Variants in KDR observed in about 807,000 individuals in gnomAD.
KDR encodes the protein kinase insert domain receptor, also known as vascular endothelial growth factor receptor 2.
KDR carries 43 observed loss-of-function variants against 160.9 expected under a neutral mutation model. The observed-to-expected ratio is 0.27, with a 90% CI of 0.21 to 0.34. The LOEUF (loss-of-function observed/expected upper bound fraction) is 0.34, where lower values mean the gene tolerates loss of function less well. Among genes scored for constraint, KDR ranks in the 10% least tolerant of loss-of-function variants. The pLI is 1.00. For synonymous variants in KDR, 617 were observed against 600.1 expected (o/e 1.03, Z -0.41); for missense variants, 1,469 against 1,666.4 (o/e 0.88, Z 2.06).
chr4:55,119,170 C>G (rs1342244213), intron 2 of KDR, among the ~76,000 whole-genome samples: 1 of 151,462 alleles, frequency 6.6e-6, no homozygotes, highest in African/African-American at 2.4e-5. Context: ...AATCACACCA[C>G]TGCACTTCAG....
chr4:55,120,268 C>T (rs1408264154), intron 2 of KDR, among the ~76,000 whole-genome samples: 1 of 152,166 alleles, frequency 6.6e-6, no homozygotes, highest in Non-Finnish European at 1.5e-5. Flanking sequence ...GGACCCCCAG[C>T]ACTCTTCCAG....
At chr4:55,107,997 G>C (rs1270152720) in intron 9 of KDR, 104 bp from the exon 10 acceptor site, 11 of 1,323,406 alleles carry the variant, frequency 8.3e-6, no homozygotes, top group Non-Finnish European at 1.2e-5. Flanking sequence ...ATATGATTTT[G>C]CTTCCACTTT....
chr4:55,092,454 C>A, intron 22 of KDR, 163 bp downstream of exon 22: 1 of 676,076 alleles, frequency 1.5e-6, no homozygotes, highest in Non-Finnish European at 2.7e-6. Flanking sequence ...CTTAACCACT[C>A]TTACTCAGCA....
intron 22 of KDR, among the ~76,000 whole-genome samples, chr4:55,090,849 CTTTTTTT>C (rs61138010): frequency 3.9e-4 from 33 of 84,106 alleles, no homozygotes; most frequent in African/African-American, 1.4e-3. Flanking sequence ...TAGAAGAAAA[CTTTTTTT>C]TTTTTTTTTT....
chr4:55,099,940 G>A (rs1720268214), intron 15 of KDR, among the ~76,000 whole-genome samples: 1 of 152,190 alleles, frequency 6.6e-6, no homozygotes, highest in Non-Finnish European at 1.5e-5. Flanking sequence ...ACTCATGAAA[G>A]GAAAGAGAAG....
intron 1 of KDR, among the ~76,000 whole-genome samples, chr4:55,122,486 G>A (rs1192971460): frequency 2.6e-5 from 4 of 152,058 alleles, no homozygotes; most frequent in Non-Finnish European, 5.9e-5. Context: ...AGTATGAGAC[G>A]GAATAAATAG....
rs1720484686 is a variant in KDR at position 55,107,927 on chromosome 4, G to T, written c.1256-34C>A. ...GGGAAAAACAACTTTTGAATTGTCA[G>T]TCAGCTTTGAAGAATGGGAAATAGA... On this transcript the variant is annotated intron_variant, in intron 9 of 29. Transcript: ENST00000263923. 1.9e-6 allele frequency: 3 copies of T among 1,612,092 alleles called. 1 individual carries two copies. In the Admixed American group the frequency reaches 5.0e-5, roughly 27 times the overall value.
At chr4:55,084,068 G>C (rs537377360) in intron 27 of KDR, among the ~76,000 whole-genome samples, 5 of 152,200 alleles carry the variant, frequency 3.3e-5, no homozygotes, top group Non-Finnish European at 5.9e-5. Context: ...GTTCACCACG[G>C]TACCTCTCTA....
Position 55,080,060 on chromosome 4 carries a change from C to G in KDR, c.3952G>C (p.Val1318Leu), listed in dbSNP as rs770504400. 6.2e-7 allele frequency: 1 copy of G among 1,614,164 alleles called. No homozygotes were observed. The highest frequency in any genetic ancestry group is 1.3e-5 in the African/African-American group (1 of 75,048). The change falls in exon 30 of 30, where the codon GTG (valine) becomes CTG (leucine). Residue 1318 changes from valine to leucine, a missense_variant. By Grantham distance (32) the Val-to-Leu change is conservative (BLOSUM62 1). Coordinates refer to ENST00000263923, the MANE Select transcript of KDR (RefSeq NM_002253.4). ...AGTTCTGCTTCCTCACTGGAGTACA[C>G]GGTGGTGTCTGTGTCATCGGAGTGA... ...GYHSDDTDTT[V>L]YSSEEAELLK...
At chr4:55,092,292 A>C (rs1720037972) in intron 22 of KDR, 1 of 367,716 alleles carries the variant, frequency 2.7e-6, no homozygotes, top group Admixed American at 3.8e-5. Context: ...TATATTGCTT[A>C]TTGTTTGCTC....
At position 55,088,769 on chromosome 4, in the gene KDR, G is replaced by A. The variant is rs540853001; in HGVS notation, c.3510+99C>T. 1.0e-4 allele frequency: 83 copies of A among 790,588 alleles called. No individual in the cohort carries two copies. In the African/African-American group the frequency reaches 1.1e-3, roughly 11 times the overall value. The allele number at this position is 790,588 out of a possible 1,614,324, so 49.0% of individuals were successfully genotyped here. ...GAATACAGTAGATTATTCAATGGCTGAGAGGATGGCATGGTAGCCATGAGA... is the reference window on the plus strand; with the variant it reads ...GAATACAGTAGATTATTCAATGGCTAAGAGGATGGCATGGTAGCCATGAGA... On this transcript the variant is annotated intron_variant, in intron 26 of 29. Coordinates refer to ENST00000263923, the MANE Select transcript of KDR (RefSeq NM_002253.4).
chr4:55,087,320 C>G (rs1196354274), intron 27 of KDR, among the ~76,000 whole-genome samples: 2 of 152,224 alleles, frequency 1.3e-5, no homozygotes, highest in African/African-American at 4.8e-5. Context: ...AAACTCGTCT[C>G]TTTATTCTGG....
intron 21 of KDR, among the ~76,000 whole-genome samples, chr4:55,093,231 G>T (rs1403884440): frequency 6.6e-6 from 1 of 152,174 alleles, no homozygotes; most frequent in African/African-American, 2.4e-5. Context: ...CTTAAAAAGT[G>T]CTGTAAATAC....
At position 55,093,691 on chromosome 4, in the gene KDR, TTC is replaced by T. The variant is rs1477961907; in HGVS notation, c.2972-979_2972-978del. Among the ~76,000 whole-genome samples, 3 of 152,306 alleles carry T rather than the reference TTC, an allele frequency of 2.0e-5. No homozygotes were observed. The East Asian group carries it at 5.8e-4, about 29-fold the overall frequency. ...CTAAGGAAAAGGAGTTAAATGCAAATTCTCTCTGTAGCCTCATGTCAAGGGAA... is the reference window on the plus strand; with the variant it reads ...CTAAGGAAAAGGAGTTAAATGCAAATTCTCTGTAGCCTCATGTCAAGGGAA... On this transcript the variant is annotated intron_variant, in intron 21 of 29. Transcript: ENST00000263923.
chr4:55,081,814 C>T (rs2110004929), intron 29 of KDR, 142 bp downstream of exon 29: 8 of 635,122 alleles, frequency 1.3e-5, no homozygotes, highest in South Asian at 3.7e-5. Context: ...GGTTAGTTTC[C>T]ATTCTTTATT....
At chr4:55,118,553 T>C in intron 3 of KDR, 51 bp downstream of exon 3, 1 of 1,451,970 alleles carries the variant, frequency 6.9e-7, no homozygotes, top group Non-Finnish European at 9.7e-7. Flanking sequence ...GCCTATTGTC[T>C]TTTATAACTG....
rs375465295 is a variant in KDR, at chr4:55,121,166, A to G, written c.92T>C (p.Leu31Pro). 130 of 1,613,722 alleles carry G rather than the reference A, an allele frequency of 8.1e-5. 4 individuals carry two copies. In the Middle Eastern group the frequency reaches 1.3e-3, roughly 16 times the overall value. ...GTCTTTTTGTATGCTGAGCCTGGGC[A>G]GATCAAGAGAAACACTAGGCAAACC... ...SVGLPSVSLD[L>P]PRLSIQKDIL... The change falls in exon 2 of 30, where the codon CTG becomes CCG. Residue 31 changes from leucine (L) to proline (P), a missense_variant. Coordinates refer to ENST00000263923, the MANE Select transcript of KDR (RefSeq NM_002253.4).
rs574754784 is a variant in KDR, at chr4:55,121,264, T to C, written c.68-74A>G. 168 of 994,032 alleles carry C rather than the reference T, an allele frequency of 1.7e-4. No individual in the cohort carries two copies. The African/African-American group carries it at 2.2e-3, about 13-fold the overall frequency. 61.6% of individuals were successfully genotyped at this position (994,032 alleles called of 1,614,324 possible). A position where few individuals can be genotyped will look rare whatever the true frequency, so the allele number is the denominator to read the frequency against. ...AATAGGAAACACCTTCCATAAACAA[T>C]GCATACTCTATACTTTAAAAGGCCT... is the stretch of plus-strand genomic sequence containing the variant. On this transcript the variant is annotated intron_variant, in intron 1 of 29. Transcript: ENST00000263923.
At position 55,125,319 on chromosome 4, in the gene KDR, C is replaced by G; in HGVS notation, c.-26G>C. ...CCTGCACCTCGAGCCGGGCGAAATG[C>G]CCAGAACTCGGGAGCCGGTTCTTTC... On this transcript the variant is annotated 5_prime_UTR_variant, in exon 1 of 30. Coordinates refer to ENST00000263923, the MANE Select transcript of KDR (RefSeq NM_002253.4). The G allele has an allele frequency of 6.2e-7, 1 of 1,602,556 alleles. No individual in the cohort carries two copies. The highest frequency in any genetic ancestry group is 8.5e-7 in the Non-Finnish European group (1 of 1,175,232).
Sources: gnomAD v4.1 joint callset for allele counts (sites outside exome capture counted in the v4.1 genomes callset) on GRCh38, gnomAD v4.1.1 for gene constraint, MANE v1.5 for transcripts, NCBI Gene and HGNC (gene_info 2026-07-23, HGNC 2026-07-21) for gene names.